The following WWOX variants were observed in gnomAD, a reference collection of about 807,000 sequenced individuals.
The protein encoded by WWOX is WW domain-containing oxidoreductase.
A neutral mutation model predicts 46.2 loss-of-function variants in WWOX; 69 were observed. That is an observed-to-expected ratio of 1.49 (90% confidence interval 1.23 to 1.82). WWOX has a LOEUF of 1.82. Among genes scored for constraint, WWOX ranks in the 40% most tolerant of loss-of-function variants. WWOX has a pLI of 0.00. For synonymous variants in WWOX, 359 were observed against 202.6 expected (o/e 1.77, Z -6.56); for missense variants, 919 against 542.6 (o/e 1.69, Z -6.89).
At chr16:78,856,929 A>G (rs2052580726) in intron 8 of WWOX, among the ~76,000 whole-genome samples, 1 of 152,250 alleles carries the variant, frequency 6.6e-6, no homozygotes, top group Non-Finnish European at 1.5e-5. Context: ...TAGGCTAGGT[A>G]GAGCATATTG....
At chr16:79,104,030 C>A (rs1184083257) in intron 8 of WWOX, among the ~76,000 whole-genome samples, 2 of 26,516 alleles carry the variant, frequency 7.5e-5, no homozygotes, top group East Asian at 2.4e-3. Context: ...GTGGTGGTGC[C>A]CTTTTTTGGG....
chr16:78,467,773 C>G (rs1313458111), intron 8 of WWOX, among the ~76,000 whole-genome samples: 1 of 152,158 alleles, frequency 6.6e-6, no homozygotes. Context: ...CATTATAGCA[C>G]TGAAACTTCT....
At chr16:78,203,485 CTG>C in intron 5 of WWOX, among the ~76,000 whole-genome samples, 1 of 152,262 alleles carries the variant, frequency 6.6e-6, no homozygotes, top group South Asian at 2.1e-4. Context: ...GCAAAATTCT[CTG>C]TGTCTTTATG....
At chr16:78,281,672 C>T (rs1271261244) in intron 5 of WWOX, among the ~76,000 whole-genome samples, 1 of 152,112 alleles carries the variant, frequency 6.6e-6, no homozygotes, top group East Asian at 1.9e-4. Flanking sequence ...TTTATGGATA[C>T]TGGAATTTGA....
At chr16:78,525,549 C>G (rs2043444758) in intron 8 of WWOX, 1 of 152,118 alleles carries the variant, frequency 6.6e-6, no homozygotes, top group Non-Finnish European at 1.5e-5. Context: ...TTGGTTCTTA[C>G]TTTTCCATAA....
At chr16:78,747,456 T>C (rs1330200060) in intron 8 of WWOX, among the ~76,000 whole-genome samples, 1 of 152,190 alleles carries the variant, frequency 6.6e-6, no homozygotes, top group African/African-American at 2.4e-5. Context: ...ATACCCATCA[T>C]TTATGAAGTG....
intron 5 of WWOX, among the ~76,000 whole-genome samples, chr16:78,366,161 C>G (rs2081531416): frequency 6.6e-6 from 1 of 152,148 alleles, no homozygotes; most frequent in Admixed American, 6.5e-5. Context: ...TTGGTAAATT[C>G]CTAGAGATGC....
intron 8 of WWOX, among the ~76,000 whole-genome samples, chr16:78,734,057 C>G (rs997509931): frequency 6.7e-6 from 1 of 150,180 alleles, no homozygotes; most frequent in Non-Finnish European, 1.5e-5. Context: ...AAGATCCTGT[C>G]TGGAAAAAAA....
intron 8 of WWOX, chr16:79,204,395 T>G (rs2051440701): frequency 6.6e-6 from 1 of 152,046 alleles, no homozygotes. Flanking sequence ...AGCCGTTTCT[T>G]TTTCCTTCCC....
At chr16:78,104,352 C>A (rs2032005936) in intron 1 of WWOX, among the ~76,000 whole-genome samples, 1 of 133,424 alleles carries the variant, frequency 7.5e-6, no homozygotes, top group African/African-American at 2.7e-5. Flanking sequence ...CGCACGCATG[C>A]ACGCACATAC....
intron 8 of WWOX, among the ~76,000 whole-genome samples, chr16:78,581,300 G>A (rs2045046498): frequency 6.6e-6 from 1 of 152,150 alleles, no homozygotes; most frequent in Non-Finnish European, 1.5e-5. Flanking sequence ...TGGGCTGGAA[G>A]CCAACCTTTT....
intron 5 of WWOX, among the ~76,000 whole-genome samples, chr16:78,264,016 G>GTTTTTTTTTT (rs1567466234): frequency 3.0e-5 from 3 of 100,962 alleles, no homozygotes; most frequent in Non-Finnish European, 5.7e-5. Context: ...TTTTTTTTTT[G>GTTTTTTTTTT]TTTTTTTGCT....
intron 8 of WWOX, among the ~76,000 whole-genome samples, chr16:78,921,441 G>C (rs573994987): frequency 6.6e-6 from 1 of 152,162 alleles, no homozygotes; most frequent in East Asian, 1.9e-4. Flanking sequence ...CATTTGAGCT[G>C]CAAAATCATA....
chr16:78,732,304 C>T (rs2048988785), intron 8 of WWOX, among the ~76,000 whole-genome samples: 1 of 152,100 alleles, frequency 6.6e-6, no homozygotes, highest in Admixed American at 6.6e-5. Context: ...GGATGCTTAC[C>T]CTCAAAATTT....
chr16:78,933,297 A>G (rs7198756), intron 8 of WWOX, among the ~76,000 whole-genome samples: 67,346 of 151,998 alleles, frequency 0.44, 15,212 homozygotes, highest in African/African-American at 0.54. Flanking sequence ...AAATTAGCTG[A>G]GCATGGTGTC....
chr16:78,119,379 A>G (rs2032976933), intron 4 of WWOX, among the ~76,000 whole-genome samples: 2 of 152,204 alleles, frequency 1.3e-5, no homozygotes, highest in Non-Finnish European at 2.9e-5. Flanking sequence ...TAATTTGGCT[A>G]TGCATATAAA....
At chr16:78,748,630 G>A (rs1035175713) in intron 8 of WWOX, among the ~76,000 whole-genome samples, 3 of 152,186 alleles carry the variant, frequency 2.0e-5, no homozygotes, top group Admixed American at 2.0e-4. Flanking sequence ...GCTGCATGAA[G>A]TCACTGGGCC....
chr16:78,425,990 C>CCTCT (rs2083068336), intron 7 of WWOX, among the ~76,000 whole-genome samples: 1 of 152,118 alleles, frequency 6.6e-6, no homozygotes, highest in Admixed American at 6.5e-5. Context: ...AGAGACCAGC[C>CCTCT]AAGGGTTAGC....
intron 8 of WWOX, among the ~76,000 whole-genome samples, chr16:78,995,436 C>T (rs1046906472): frequency 2.6e-5 from 4 of 152,026 alleles, no homozygotes; most frequent in South Asian, 4.1e-4. Context: ...TGTCCTCAGC[C>T]GTAAGAAAGA....
Sources: allele counts gnomAD v4.1 joint callset (sites outside exome capture counted in the v4.1 genomes callset), GRCh38; gene constraint gnomAD v4.1.1; transcripts MANE v1.5; gene names NCBI Gene and HGNC (gene_info 2026-07-23, HGNC 2026-07-21).